PTPRT: variants seen among roughly 807,000 people sequenced by gnomAD.
PTPRT encodes receptor-type tyrosine-protein phosphatase T.
Under a neutral mutation model 176.8 loss-of-function variants are expected in PTPRT, and 56 were observed. The observed-to-expected ratio is 0.32, with a 90% CI of 0.26 to 0.40. The LOEUF (loss-of-function observed/expected upper bound fraction) is 0.40, where lower values mean the gene tolerates loss of function less well. PTPRT is among the 10% of genes least tolerant of loss of function. The probability of loss-of-function intolerance (pLI) is 1.00; values close to 1 mark genes in which losing one functional copy is unlikely to be tolerated. For missense variants in PTPRT, 1,540 were observed against 1,908.2 expected (o/e 0.81, Z 3.60); for synonymous variants, 783 against 739.0 (o/e 1.06, Z -0.96).
intron 11 of PTPRT, among the ~76,000 whole-genome samples, chr20:42,325,852 C>T (rs980037137): frequency 1.3e-5 from 2 of 152,170 alleles, no homozygotes; most frequent in African/African-American, 4.8e-5. Context: ...TCTTCTAATT[C>T]TTCTCCAGTT....
intron 1 of PTPRT, among the ~76,000 whole-genome samples, chr20:43,127,490 C>T (rs531986577): frequency 6.6e-6 from 1 of 151,658 alleles, no homozygotes; most frequent in Non-Finnish European, 1.5e-5. Context: ...AATGCACCTG[C>T]TAACATTAAT....
intron 15 of PTPRT, among the ~76,000 whole-genome samples, chr20:42,230,574 A>C (rs935394399): frequency 1.3e-5 from 2 of 152,210 alleles, no homozygotes; most frequent in African/African-American, 4.8e-5. Context: ...TGTGAGGAAT[A>C]GTAGCTGCTA....
At chr20:43,091,631 C>T (rs771761137) in intron 1 of PTPRT, among the ~76,000 whole-genome samples, 4 of 151,682 alleles carry the variant, frequency 2.6e-5, no homozygotes, top group Admixed American at 6.6e-5. Flanking sequence ...TTTCCACATA[C>T]CTATTATTTT....
In PTPRT at chr20:42,235,251, T is replaced by TTTATTA. The variant is rs34004795; in HGVS notation, c.2342+972_2342+977dup. Among the ~76,000 whole-genome samples the TTTATTA allele has an allele frequency of 3.8e-3, 579 of 150,482 alleles. 1 individual carries two copies. Among genetic ancestry groups the TTTATTA allele is most frequent in the African/African-American group, 0.012 (497 of 40,634 alleles). Reference sequence around the variant, plus strand: ...TTGAGCATCTCTGTTGTTGTTGTTATTTATTATTATTATTATTATTATTAT... The same window carrying TTTATTA: ...TTGAGCATCTCTGTTGTTGTTGTTATTTATTATTATTATTATTATTATTATTATTAT... On this transcript the variant is annotated intron_variant, in intron 15 of 30. Coordinates refer to ENST00000373187, the MANE Select transcript of PTPRT (RefSeq NM_007050.6).
Position 42,518,309 on chromosome 20 carries a change from G to T in PTPRT, c.1154-45747C>A, listed in dbSNP as rs553849093. On this transcript the variant is annotated intron_variant, in intron 7 of 30. Transcript: ENST00000373187. ...TGACTCCTATAAACAGCATAAAACT[G>T]GATTTTTTTTTAAATCTAGGAGACA... 9.1e-4 allele frequency among the ~76,000 whole-genome samples: 138 copies of T among 151,884 alleles called. 2 individuals carry two copies. The South Asian group carries it at 0.018, about 20-fold the overall frequency.
At chr20:42,332,016 C>T (rs1298073789) in intron 11 of PTPRT, among the ~76,000 whole-genome samples, 2 of 151,786 alleles carry the variant, frequency 1.3e-5, no homozygotes, top group Non-Finnish European at 2.9e-5. Flanking sequence ...TCTTCACCAC[C>T]TCATACTTGC....
At position 42,771,921 on chromosome 20, in the gene PTPRT, C is replaced by T. The variant is rs1206147068; in HGVS notation, c.569-371G>A. Among the ~76,000 whole-genome samples, 4 of 152,188 alleles carry T rather than the reference C, an allele frequency of 2.6e-5. No homozygotes were observed. In the East Asian group the frequency reaches 7.7e-4, roughly 29 times the overall value. On this transcript the variant is annotated intron_variant, in intron 4 of 30. Coordinates refer to ENST00000373187, the MANE Select transcript of PTPRT (RefSeq NM_007050.6). ...AATTGGCACAAACATGCCTAGAATA[C>T]ACCCAAACTGATCATTGCTTCTGGG...
At chr20:42,859,569 GTTTAT>G (rs2078623860) in intron 2 of PTPRT, among the ~76,000 whole-genome samples, 1 of 145,186 alleles carries the variant, frequency 6.9e-6, no homozygotes, top group East Asian at 2.1e-4. Flanking sequence ...AGCTCAGTTT[GTTTAT>G]TTTTTTTTTT....
rs1985512940 is a variant in PTPRT at position 42,098,417 on chromosome 20, C to T, written c.3846+4G>A. The T allele has an allele frequency of 6.2e-7, 1 of 1,613,906 alleles. No homozygotes were observed. Among genetic ancestry groups the T allele is most frequent in the Non-Finnish European group, 8.5e-7 (1 of 1,179,984 alleles). ...ACCTAGGGCTTGGCTTGGCCTCCTCCTACCTGGGCAGTGTCCATCTCATTC... is the reference window on the plus strand; with the variant it reads ...ACCTAGGGCTTGGCTTGGCCTCCTCTTACCTGGGCAGTGTCCATCTCATTC... On this transcript the variant is annotated splice_donor_region_variant and intron_variant, in intron 27 of 30. Transcript: ENST00000373187.
chr20:42,885,385 A>C (rs941450196), intron 2 of PTPRT, among the ~76,000 whole-genome samples: 2 of 148,848 alleles, frequency 1.3e-5, no homozygotes, highest in African/African-American at 4.9e-5. Flanking sequence ...ACAATAATAT[A>C]ATAATATAAT....
chr20:42,998,911 TTC>T (rs1407786235), intron 1 of PTPRT, among the ~76,000 whole-genome samples: 1 of 152,186 alleles, frequency 6.6e-6, no homozygotes, highest in Non-Finnish European at 1.5e-5. Flanking sequence ...ATGGGGATAT[TTC>T]TGTCTACATA....
At position 42,787,961 on chromosome 20, in the gene PTPRT, A is replaced by T. The variant is rs140940997; in HGVS notation, c.486+3234T>A. ...ACTAATATATTACTAAATTCCAAAC[A>T]TTGTGAATTCTGACACATATCTGAC... is the stretch of plus-strand genomic sequence containing the variant. On this transcript the variant is annotated intron_variant, in intron 3 of 30. Transcript: ENST00000373187. Among the ~76,000 whole-genome samples the T allele has an allele frequency of 1.3e-3, 191 of 152,260 alleles. 1 individual carries two copies. The highest frequency in any genetic ancestry group is 4.3e-3 in the African/African-American group (179 of 41,550).
At chr20:42,519,279 A>G (rs2072126325) in intron 7 of PTPRT, among the ~76,000 whole-genome samples, 1 of 152,128 alleles carries the variant, frequency 6.6e-6, no homozygotes, top group African/African-American at 2.4e-5. Flanking sequence ...TTCTCTGAAG[A>G]TTCACCCAGG....
intron 12 of PTPRT, among the ~76,000 whole-genome samples, chr20:42,305,932 T>C (rs1031341362): frequency 1.3e-5 from 2 of 152,196 alleles, no homozygotes; most frequent in Admixed American, 6.5e-5. Context: ...AGGGGCCTGA[T>C]GGAGGCAGAG....
At chr20:42,068,274 T>C (rs1446765410), downstream of PTPRT, among the ~76,000 whole-genome samples, 2 of 152,170 alleles carry the variant, frequency 1.3e-5, no homozygotes, top group Admixed American at 6.5e-5. Flanking sequence ...GGACTTCCCA[T>C]ATATGAAATC....
chr20:43,154,395 A>C (rs759218329), intron 1 of PTPRT, among the ~76,000 whole-genome samples: 26 of 152,200 alleles, frequency 1.7e-4, no homozygotes, highest in Non-Finnish European at 8.8e-5. Context: ...ATTTAATGCC[A>C]GTACCATGCT....
At chr20:43,103,288 A>C (rs1363716142) in intron 1 of PTPRT, among the ~76,000 whole-genome samples, 2 of 152,084 alleles carry the variant, frequency 1.3e-5, no homozygotes, top group Non-Finnish European at 2.9e-5. Context: ...TTCCTCCAAA[A>C]TCATGGGTGG....
At chr20:42,490,248 A>G (rs2071538721) in intron 7 of PTPRT, among the ~76,000 whole-genome samples, 1 of 152,180 alleles carries the variant, frequency 6.6e-6, no homozygotes, top group Non-Finnish European at 1.5e-5. Context: ...TTATTAGAGA[A>G]AGTTTATCAA....
intron 9 of PTPRT, among the ~76,000 whole-genome samples, chr20:42,376,983 G>T (rs974378390): frequency 6.6e-6 from 1 of 152,182 alleles, no homozygotes; most frequent in Non-Finnish European, 1.5e-5. Flanking sequence ...GCACACACGG[G>T]TGATAGTTTG....
Sources: gnomAD v4.1 joint callset for allele counts (sites outside exome capture counted in the v4.1 genomes callset) on GRCh38, gnomAD v4.1.1 for gene constraint, MANE v1.5 for transcripts, NCBI Gene and HGNC (gene_info 2026-07-23, HGNC 2026-07-21) for gene names.